The following CNTN5 variants were observed in gnomAD, a reference collection of about 807,000 sequenced individuals.
CNTN5 encodes the protein contactin-5.
In CNTN5, 77 loss-of-function variants were observed where a neutral mutation model predicts 129.1. The observed-to-expected ratio is 0.60, with a 90% CI of 0.50 to 0.72. CNTN5 has a LOEUF of 0.72. CNTN5 is among the 30% of genes least tolerant of loss of function. The pLI is 0.00. For synonymous variants in CNTN5, 509 were observed against 465.6 expected (o/e 1.09, Z -1.20); for missense variants, 1,478 against 1,328.8 (o/e 1.11, Z -1.75).
chr11:99,965,349 T>C (rs1018637633), intron 8 of CNTN5, among the ~76,000 whole-genome samples: 2 of 149,736 alleles, frequency 1.3e-5, no homozygotes, highest in South Asian at 4.3e-4. Context: ...CCAGAGATTC[T>C]GGTATTTGTG....
At chr11:100,161,410 A>T (rs1345647992) in intron 13 of CNTN5, among the ~76,000 whole-genome samples, 1 of 151,976 alleles carries the variant, frequency 6.6e-6, no homozygotes, top group African/African-American at 2.4e-5. Context: ...GCATTCTATT[A>T]ATGTTCAGTA....
rs1006085193 is a variant in CNTN5, at chr11:99,597,524, AAT to A, written c.55+41259_55+41260del. Among the ~76,000 whole-genome samples the A allele has an allele frequency of 7.9e-5, 12 of 152,204 alleles. 1 individual carries two copies. The highest frequency in any genetic ancestry group is 2.2e-4 in the African/African-American group (9 of 41,536). Reference sequence around the variant, plus strand: ...TTTATGTTTAAGACTGAAAAAAAAAAATATAGGTTGTTTGTTTAGTGTGTGCT... The same window carrying A: ...TTTATGTTTAAGACTGAAAAAAAAAAATAGGTTGTTTGTTTAGTGTGTGCT... On this transcript the variant is annotated intron_variant, in intron 3 of 24. Coordinates refer to ENST00000524871, the MANE Select transcript of CNTN5 (RefSeq NM_014361.4).
At chr11:99,667,857 G>A (rs1360672630) in intron 3 of CNTN5, among the ~76,000 whole-genome samples, 1 of 151,870 alleles carries the variant, frequency 6.6e-6, no homozygotes, top group Non-Finnish European at 1.5e-5. Flanking sequence ...AACCACCATG[G>A]CACAGGTATA....
At chr11:99,788,438 A>T (rs898429084) in intron 3 of CNTN5, among the ~76,000 whole-genome samples, 1 of 151,996 alleles carries the variant, frequency 6.6e-6, no homozygotes, top group Non-Finnish European at 1.5e-5. Flanking sequence ...TTGTATACCT[A>T]TAGAAACATC....
rs1436632396 is a variant in CNTN5, at chr11:99,920,373, A to C, written c.673+4224A>C. 1.3e-5 allele frequency among the ~76,000 whole-genome samples: 2 copies of C among 152,192 alleles called. 1 individual carries two copies. The highest frequency in any genetic ancestry group is 2.9e-5 in the Non-Finnish European group (2 of 68,038). On this transcript the variant is annotated intron_variant, in intron 7 of 24. Coordinates refer to ENST00000524871, the MANE Select transcript of CNTN5 (RefSeq NM_014361.4). ...TTTGTTAGTTTTCACCTGATAATAAAGCTTTAAATATCTAAATATCTAAAA... is the reference window on the plus strand; with the variant it reads ...TTTGTTAGTTTTCACCTGATAATAACGCTTTAAATATCTAAATATCTAAAA...
At chr11:99,522,955 G>C (rs1354104118) in intron 2 of CNTN5, among the ~76,000 whole-genome samples, 1 of 151,990 alleles carries the variant, frequency 6.6e-6, no homozygotes, top group Admixed American at 6.6e-5. Context: ...ACCTCTCCCT[G>C]TACACACACT....
chr11:99,317,574 G>C (rs2135987383), intron 1 of CNTN5, among the ~76,000 whole-genome samples: 1 of 152,070 alleles, frequency 6.6e-6, no homozygotes, highest in African/African-American at 2.4e-5. Flanking sequence ...GGTGATTCTT[G>C]GCACATAAGC....
chr11:99,126,375 C>A lies in CNTN5; in HGVS notation c.-210+105105C>A, dbSNP rs527759824. ...GGAGCTCTATTGAAATTAGCAAGCTCCTCTGTGTCATACTTTCAGTATTTT... is the reference window on the plus strand; with the variant it reads ...GGAGCTCTATTGAAATTAGCAAGCTACTCTGTGTCATACTTTCAGTATTTT... On this transcript the variant is annotated intron_variant, in intron 1 of 24. Transcript: ENST00000524871. Among the ~76,000 whole-genome samples the A allele has an allele frequency of 3.0e-3, 452 of 152,280 alleles. 2 individuals are homozygous for A. Among genetic ancestry groups the A allele is most frequent in the African/African-American group, 0.01 (430 of 41,564 alleles).
At chr11:99,828,143 GAT>G (rs1285252791) in intron 4 of CNTN5, among the ~76,000 whole-genome samples, 2 of 152,084 alleles carry the variant, frequency 1.3e-5, no homozygotes, top group African/African-American at 4.8e-5. Flanking sequence ...GATCTTCAGA[GAT>G]ATGTACAATG....
intron 2 of CNTN5, among the ~76,000 whole-genome samples, chr11:99,345,555 G>T (rs1004987507): frequency 1.1e-4 from 16 of 152,118 alleles, no homozygotes; most frequent in African/African-American, 3.4e-4. Context: ...TACAAAAAAG[G>T]AATATGAGGT....
At chr11:99,453,697 G>T (rs1349338484) in intron 2 of CNTN5, among the ~76,000 whole-genome samples, 1 of 152,172 alleles carries the variant, frequency 6.6e-6, no homozygotes, top group Non-Finnish European at 1.5e-5. Flanking sequence ...AGTTAACTGA[G>T]TTTGTGTCCT....
At chr11:99,230,390 A>G (rs1237936654) in intron 1 of CNTN5, among the ~76,000 whole-genome samples, 4 of 152,172 alleles carry the variant, frequency 2.6e-5, no homozygotes, top group South Asian at 2.1e-4. Flanking sequence ...TGATTTTGGG[A>G]AAAATGACAA....
chr11:99,078,179 T>G, intron 1 of CNTN5, among the ~76,000 whole-genome samples: 1 of 152,198 alleles, frequency 6.6e-6, no homozygotes, highest in Non-Finnish European at 1.5e-5. Flanking sequence ...GATACCTAAT[T>G]AGTGACTATT....
At chr11:99,153,753 T>C (rs1860187287) in intron 1 of CNTN5, among the ~76,000 whole-genome samples, 1 of 151,916 alleles carries the variant, frequency 6.6e-6, no homozygotes, top group Admixed American at 6.6e-5. Context: ...CTTGCATTGG[T>C]TCTTACTCCT....
chr11:99,360,746 A>T (rs934393882), intron 2 of CNTN5, among the ~76,000 whole-genome samples: 1 of 152,170 alleles, frequency 6.6e-6, no homozygotes, highest in African/African-American at 2.4e-5. Flanking sequence ...ACACAAGCAT[A>T]CTAATCTTTT....
intron 8 of CNTN5, among the ~76,000 whole-genome samples, chr11:99,962,963 G>A (rs908906220): frequency 1.3e-5 from 2 of 151,678 alleles, no homozygotes; most frequent in African/African-American, 4.9e-5. Flanking sequence ...CTTCTTTTGA[G>A]AAGTGTCTGT....
rs776173823 is a variant in CNTN5, at chr11:100,299,375, G to C, written c.2599G>C (p.Val867Leu). Residue 867 changes from valine to leucine, a missense_variant, in exon 20 of 25, where the codon GTC (valine) becomes CTC (leucine). Physicochemically the swap from Val to Leu is conservative, Grantham distance 32. Transcript: ENST00000524871. ...KGDGPFSQIVVICSAEGEPSA... is the reference protein window; with the variant it reads ...KGDGPFSQIVLICSAEGEPSA... ...AGATGGGCCTTTTAGTCAAATTGTG[G>C]TCATCTGTTCAGCTGAAGGAGGTCA... 2.5e-6 allele frequency: 4 copies of C among 1,607,974 alleles called. No individual in the cohort carries two copies. The African/African-American group carries it at 5.4e-5, about 22-fold the overall frequency.
chr11:100,090,535 C>CCTCCCTCCT (rs1944734839), intron 13 of CNTN5, among the ~76,000 whole-genome samples: 1 of 83,058 alleles, frequency 1.2e-5, no homozygotes, highest in Non-Finnish European at 2.2e-5. Context: ...CCCTTCCTTC[C>CCTCCCTCCT]TTCCTTCCTT....
chr11:99,606,341 T>C (rs1304834032), intron 3 of CNTN5, among the ~76,000 whole-genome samples: 3 of 132,934 alleles, frequency 2.3e-5, no homozygotes, highest in Non-Finnish European at 4.9e-5. Context: ...TGAACTCCCA[T>C]TCACAATTGC....
Sources: gnomAD v4.1 joint callset for allele counts (sites outside exome capture counted in the v4.1 genomes callset) on GRCh38, gnomAD v4.1.1 for gene constraint, MANE v1.5 for transcripts, NCBI Gene and HGNC (gene_info 2026-07-23, HGNC 2026-07-21) for gene names.